Variants in CADM2 observed in about 807,000 individuals in gnomAD.
CADM2 encodes the protein immunoglobulin superfamily member 4D.
In CADM2, 12 loss-of-function variants were observed where a neutral mutation model predicts 49.8. The ratio of observed to expected loss-of-function variants is 0.24; its 90% CI spans 0.15 to 0.39. CADM2 has a LOEUF of 0.39. Ranked by LOEUF, CADM2 falls within the 10% of genes least tolerant of loss-of-function variation. CADM2 has a pLI of 1.00. For synonymous variants in CADM2, 214 were observed against 175.4 expected, an observed-to-expected ratio of 1.22 and a Z score of -1.74; for missense variants, 378 against 492.3, an observed-to-expected ratio of 0.77 and a Z score of 2.20.
intron 5 of CADM2, among the ~76,000 whole-genome samples, chr3:85,909,522 TTTAG>T (rs1329015774): frequency 6.6e-6 from 1 of 152,092 alleles, no homozygotes; most frequent in Non-Finnish European, 1.5e-5. Flanking sequence ...CCACTCCATC[TTTAG>T]TTATGTCTCC....
At chr3:85,577,888 G>A (rs2062681444) in intron 1 of CADM2, among the ~76,000 whole-genome samples, 1 of 151,860 alleles carries the variant, frequency 6.6e-6, no homozygotes. Context: ...TGTTTAGAAA[G>A]CACATATTCT....
intron 1 of CADM2, among the ~76,000 whole-genome samples, chr3:85,092,651 G>A (rs1023619597): frequency 1.3e-5 from 2 of 152,210 alleles, no homozygotes; most frequent in Admixed American, 1.3e-4. Flanking sequence ...TTGTGGCTCA[G>A]CTTCCTTTTT....
chr3:85,511,915 T>G, intron 1 of CADM2: 1 of 961,946 alleles, frequency 1.0e-6, no homozygotes. Flanking sequence ...CAAGAAAAAG[T>G]GGTGAAATTA....
At chr3:85,668,538 C>G (rs573168433) in intron 1 of CADM2, among the ~76,000 whole-genome samples, 1 of 151,978 alleles carries the variant, frequency 6.6e-6, no homozygotes, top group East Asian at 1.9e-4. Context: ...GGTGGTGTGT[C>G]TTTTCCATGC....
chr3:85,808,873 C>G (rs1303298350), intron 3 of CADM2, among the ~76,000 whole-genome samples: 1 of 152,008 alleles, frequency 6.6e-6, no homozygotes, highest in East Asian at 1.9e-4. Context: ...AGTAAATTGT[C>G]CTAAAACTAA....
chr3:85,055,145 C>T (rs1034558195), intron 1 of CADM2, among the ~76,000 whole-genome samples: 4 of 151,848 alleles, frequency 2.6e-5, no homozygotes, highest in African/African-American at 7.3e-5. Context: ...TGCATTCTTA[C>T]TCGTAATAAT....
chr3:85,064,954 C>T (rs1282851866), intron 1 of CADM2, among the ~76,000 whole-genome samples: 6 of 152,030 alleles, frequency 3.9e-5, no homozygotes, highest in Non-Finnish European at 8.8e-5. Flanking sequence ...CTTATCTTTT[C>T]AAAATATCTT....
intron 1 of CADM2, among the ~76,000 whole-genome samples, chr3:85,100,034 T>A (rs1643154595): frequency 6.6e-6 from 1 of 152,192 alleles, no homozygotes; most frequent in South Asian, 2.1e-4. Flanking sequence ...CCTGAAGCAA[T>A]CTGCTCTAGT....
intron 2 of CADM2, among the ~76,000 whole-genome samples, chr3:85,784,120 T>A (rs1222643318): frequency 6.6e-6 from 1 of 152,224 alleles, no homozygotes; most frequent in African/African-American, 2.4e-5. Flanking sequence ...ATAGTTGTAT[T>A]CAAAAGTGTA....
chr3:85,409,395 T>C (rs2035555403), intron 1 of CADM2, among the ~76,000 whole-genome samples: 1 of 152,276 alleles, frequency 6.6e-6, no homozygotes, highest in African/African-American at 2.4e-5. Context: ...TCATATTAAG[T>C]ACTGAAATCA....
At chr3:85,682,459 A>G (rs2066066798) in intron 1 of CADM2, among the ~76,000 whole-genome samples, 1 of 152,232 alleles carries the variant, frequency 6.6e-6, no homozygotes, top group Admixed American at 6.5e-5. Context: ...GAGCATTAAA[A>G]GAAGCTAGTT....
intron 8 of CADM2, among the ~76,000 whole-genome samples, chr3:85,986,216 T>C (rs1728090747): frequency 6.6e-6 from 1 of 151,984 alleles, no homozygotes; most frequent in Non-Finnish European, 1.5e-5. Flanking sequence ...TTGGTTTAAA[T>C]GCTTTAAAAA....
At chr3:85,502,145 T>G (rs1408953240) in intron 1 of CADM2, among the ~76,000 whole-genome samples, 1 of 152,166 alleles carries the variant, frequency 6.6e-6, no homozygotes, top group Middle Eastern at 3.4e-3. Flanking sequence ...AGTAATTGAG[T>G]AGATGAATTG....
intron 8 of CADM2, chr3:86,013,481 G>A: frequency 6.2e-7 from 1 of 1,601,084 alleles, no homozygotes. Flanking sequence ...CTGGTGAAGA[G>A]GTTCTGAGAA....
chr3:85,680,850 G>A (rs759247802), intron 1 of CADM2, among the ~76,000 whole-genome samples: 29 of 152,216 alleles, frequency 1.9e-4, no homozygotes, highest in Middle Eastern at 3.4e-3. Flanking sequence ...GTCAGTTCAA[G>A]CTCATGTTCC....
At chr3:85,277,463 A>C (rs2043385708) in intron 1 of CADM2, among the ~76,000 whole-genome samples, 1 of 151,372 alleles carries the variant, frequency 6.6e-6, no homozygotes, top group Non-Finnish European at 1.5e-5. Context: ...AGCCAGATCC[A>C]TGTTTCTAAT....
intron 1 of CADM2, among the ~76,000 whole-genome samples, chr3:85,268,299 A>T (rs568542668): frequency 6.6e-6 from 1 of 151,610 alleles, no homozygotes; most frequent in South Asian, 2.1e-4. Context: ...AAATAATTTT[A>T]TTTAATTTAA....
At chr3:85,067,295 T>TTG (rs907831512) in intron 1 of CADM2, among the ~76,000 whole-genome samples, 5 of 150,698 alleles carry the variant, frequency 3.3e-5, no homozygotes, top group Middle Eastern at 3.4e-3. Context: ...GTGTGTGTGT[T>TTG]TGTGTGTGTG....
At chr3:84,979,292 T>A (rs2032020567) in intron 1 of CADM2, among the ~76,000 whole-genome samples, 1 of 152,194 alleles carries the variant, frequency 6.6e-6, no homozygotes, top group South Asian at 2.1e-4. Flanking sequence ...AAAATAGGTT[T>A]GCTGCTTGTA....
Sources: gnomAD v4.1 joint callset for allele counts (sites outside exome capture counted in the v4.1 genomes callset) on GRCh38, gnomAD v4.1.1 for gene constraint, MANE v1.5 for transcripts, NCBI Gene and HGNC (gene_info 2026-07-23, HGNC 2026-07-21) for gene names.